LRRC20: variants seen among roughly 807,000 people sequenced by gnomAD.
LRRC20 encodes the protein leucine-rich repeat-containing protein 20.
LRRC20 carries 11 observed loss-of-function variants against 14.4 expected under a neutral mutation model. The ratio of observed to expected loss-of-function variants is 0.77; its 90% confidence interval spans 0.48 to 1.27. The LOEUF (loss-of-function observed/expected upper bound fraction) is 1.27, where lower values mean the gene tolerates loss of function less well. Among genes scored for constraint, LRRC20 ranks in the 50% most tolerant of loss-of-function variants. The probability of loss-of-function intolerance (pLI) is 0.00; values close to 1 mark genes in which losing one functional copy is unlikely to be tolerated. For synonymous variants in LRRC20, 121 were observed against 107.3 expected (o/e 1.13, Z -0.79); for missense variants, 219 against 251.2 (o/e 0.87, Z 0.87).
rs145765659 is a variant in LRRC20 at position 70,362,406 on chromosome 10, C to T, written c.82+14046G>A. 5.0e-4 allele frequency among the ~76,000 whole-genome samples: 76 copies of T among 152,354 alleles called. No homozygotes were observed. In the Middle Eastern group the frequency reaches 0.01, roughly 20 times the overall value. ...AGAATTTTGCAAGTGTCAGGTCATC[C>T]ACAGCTTTGTGGTATGATCTTGGGT... On this transcript the variant is annotated intron_variant, in intron 2 of 4. Coordinates refer to ENST00000446961, the MANE Select transcript of LRRC20 (RefSeq NM_001278212.2).
chr10:70,312,175 C>T (rs1443201838), intron 4 of LRRC20, among the ~76,000 whole-genome samples: 1 of 152,140 alleles, frequency 6.6e-6, no homozygotes, highest in African/African-American at 2.4e-5. Context: ...GCTAGAGAAT[C>T]CAGGCCAGCC....
At chr10:70,376,261 C>T (rs1376914907) in intron 2 of LRRC20, among the ~76,000 whole-genome samples, 191 bp downstream of exon 2, 1 of 152,216 alleles carries the variant, frequency 6.6e-6, no homozygotes, top group African/African-American at 2.4e-5. Context: ...GTTTTCAAAC[C>T]TCTTTGACCA....
chr10:70,348,812 G>A (rs946627424), intron 2 of LRRC20, among the ~76,000 whole-genome samples: 7 of 152,230 alleles, frequency 4.6e-5, no homozygotes, highest in Non-Finnish European at 8.8e-5. Context: ...CCTTCTGCAC[G>A]AGCCAGTCAC....
intron 3 of LRRC20, among the ~76,000 whole-genome samples, chr10:70,339,698 G>C (rs1445581118): frequency 2.0e-5 from 3 of 152,230 alleles, no homozygotes; most frequent in Non-Finnish European, 2.9e-5. Context: ...CACTGCAGCA[G>C]TCAGGCCACA....
chr10:70,320,345 A>C (rs187083711), intron 4 of LRRC20, among the ~76,000 whole-genome samples: 15 of 148,662 alleles, frequency 1.0e-4, no homozygotes, highest in African/African-American at 1.5e-4. Flanking sequence ...ATAGATAGAT[A>C]GATCTGTGCA....
At chr10:70,340,489 AG>A in intron 3 of LRRC20, 63 bp downstream of exon 3, 1 of 1,595,124 alleles carries the variant, frequency 6.3e-7, no homozygotes, top group African/African-American at 1.3e-5. Context: ...CTCCCCAGAC[AG>A]GGTCAGAGCC....
chr10:70,315,642 G>A (rs1442203095), intron 4 of LRRC20, among the ~76,000 whole-genome samples: 2 of 152,148 alleles, frequency 1.3e-5, no homozygotes, highest in Admixed American at 6.5e-5. Context: ...CCCAATTTCA[G>A]CAACCAGTTT....
chr10:70,306,969 C>G (rs577502345), intron 4 of LRRC20, among the ~76,000 whole-genome samples: 1 of 152,308 alleles, frequency 6.6e-6, no homozygotes, highest in East Asian at 1.9e-4. Context: ...CCAGATTTGA[C>G]CACTGGGAGC....
chr10:70,366,280 A>T (rs1843997992), intron 2 of LRRC20, among the ~76,000 whole-genome samples: 1 of 145,304 alleles, frequency 6.9e-6, no homozygotes, highest in African/African-American at 2.6e-5. Context: ...AAAATTAACC[A>T]GGCATGGTGG....
intron 2 of LRRC20, among the ~76,000 whole-genome samples, chr10:70,359,254 C>T (rs1357855296): frequency 6.6e-6 from 1 of 152,160 alleles, no homozygotes; most frequent in African/African-American, 2.4e-5. Context: ...ATCACTCTCC[C>T]ATTCAAGAAT....
chr10:70,382,333 C>T (rs1257503396), intron 1 of LRRC20, among the ~76,000 whole-genome samples: 1 of 152,224 alleles, frequency 6.6e-6, no homozygotes, highest in African/African-American at 2.4e-5. Flanking sequence ...CAAGAGCCCG[C>T]GCATGCCGAG....
Position 70,301,378 on chromosome 10 carries a change from T to C in LRRC20, c.531A>G (p.Glu177=), listed in dbSNP as rs1240958663. The C allele has an allele frequency of 6.2e-7, 1 of 1,613,556 alleles. No homozygotes were observed. Among genetic ancestry groups the C allele is most frequent in the Admixed American group, 1.7e-5 (1 of 59,994 alleles). ...LIKFDMLMSP[E]GARAPLP ...CCTAAGGTAGGGGGGCTCTTGCGCC[T>C]TCCGGAGACATGAGCATGTCAAACT... The change falls in exon 5 of 5, where the codon GAA becomes GAG. Residue 177 remains glutamate, a synonymous_variant. Transcript: ENST00000446961.
At chr10:70,352,424 G>A (rs1843346364) in intron 2 of LRRC20, among the ~76,000 whole-genome samples, 1 of 152,140 alleles carries the variant, frequency 6.6e-6, no homozygotes, top group Non-Finnish European at 1.5e-5. Context: ...AAAAAATGTA[G>A]CATTTTATCA....
chr10:70,322,524 C>T (rs895572192), intron 4 of LRRC20, among the ~76,000 whole-genome samples: 1 of 152,058 alleles, frequency 6.6e-6, no homozygotes, highest in African/African-American at 2.4e-5. Context: ...TCTGGGCAGG[C>T]TCCTTCTGCT....
chr10:70,350,403 T>C (rs77732666), intron 2 of LRRC20, among the ~76,000 whole-genome samples: 167 of 152,368 alleles, frequency 1.1e-3, no homozygotes, highest in Non-Finnish European at 2.0e-3. Context: ...GTTTTTTGCA[T>C]TAATAAAGAA....
intron 3 of LRRC20, among the ~76,000 whole-genome samples, chr10:70,332,182 T>C (rs574831373): frequency 1.4e-4 from 21 of 152,264 alleles, no homozygotes; most frequent in African/African-American, 4.8e-4. Context: ...CCATGCTCAG[T>C]GCTGAGGAGG....
At chr10:70,307,803 C>T (rs1841482252) in intron 4 of LRRC20, among the ~76,000 whole-genome samples, 1 of 152,248 alleles carries the variant, frequency 6.6e-6, no homozygotes, top group African/African-American at 2.4e-5. Flanking sequence ...GCTTTCTCAT[C>T]TGTAAAATGG....
chr10:70,301,670 C>T (rs928337626), intron 4 of LRRC20, among the ~76,000 whole-genome samples, 162 bp from the exon 5 acceptor site: 1 of 152,124 alleles, frequency 6.6e-6, no homozygotes, highest in African/African-American at 2.4e-5. Context: ...GTGCAAAGGG[C>T]CATCGGGCCC....
intron 4 of LRRC20, among the ~76,000 whole-genome samples, chr10:70,316,537 T>C (rs1162777599): frequency 6.6e-6 from 1 of 152,264 alleles, no homozygotes; most frequent in African/African-American, 2.4e-5. Flanking sequence ...TTTTGGTTCA[T>C]CCAGGTTTCA....
Sources: gnomAD v4.1 joint callset for allele counts (sites outside exome capture counted in the v4.1 genomes callset) on GRCh38, gnomAD v4.1.1 for gene constraint, MANE v1.5 for transcripts, NCBI Gene and HGNC (gene_info 2026-07-23, HGNC 2026-07-21) for gene names.